The following DENND2B variants were observed in gnomAD, a reference collection of about 807,000 sequenced individuals.
The protein encoded by DENND2B is DENN domain containing 2B.
Under a neutral mutation model 116.0 loss-of-function variants are expected in DENND2B, and 32 were observed. The ratio of observed to expected loss-of-function variants is 0.28; its 90% CI spans 0.21 to 0.37. The LOEUF (loss-of-function observed/expected upper bound fraction) is 0.37, where lower values mean the gene tolerates loss of function less well. DENND2B is among the 10% of genes least tolerant of loss of function. The probability of loss-of-function intolerance (pLI) is 1.00; values close to 1 mark genes in which losing one functional copy is unlikely to be tolerated. For synonymous variants in DENND2B, 588 were observed against 583.9 expected (o/e 1.01, Z -0.10); for missense variants, 1,276 against 1,477.7 (o/e 0.86, Z 2.24).
intron 1 of DENND2B, among the ~76,000 whole-genome samples, chr11:8,753,675 C>A (rs1295754456): frequency 6.6e-6 from 1 of 151,914 alleles, no homozygotes; most frequent in African/African-American, 2.4e-5. Context: ...TAAAAAGTAA[C>A]CAAGACAGTG....
intron 4 of DENND2B, chr11:8,718,172 C>G: frequency 1.8e-6 from 1 of 545,592 alleles, no homozygotes. Context: ...AGGGATTGCA[C>G]AAGACTGGCT....
chr11:8,731,796 A>T (rs763143579), intron 2 of DENND2B, among the ~76,000 whole-genome samples: 1 of 152,174 alleles, frequency 6.6e-6, no homozygotes, highest in Admixed American at 6.5e-5. Flanking sequence ...GGTAGTATAA[A>T]TATTCCAACT....
In DENND2B at chr11:8,699,190, AGCTGG is replaced by A. The variant is rs1439537487; in HGVS notation, c.2898+18_2898+22del. The A allele has an allele frequency of 1.3e-6, 2 of 1,535,478 alleles. No individual in the cohort carries two copies. The highest frequency in any genetic ancestry group is 1.7e-6 in the Non-Finnish European group (2 of 1,145,252). On this transcript the variant is annotated intron_variant, in intron 15 of 19. Transcript: ENST00000313726. Reference sequence around the variant, plus strand: ...TGCTTCCCCCTCCACCCTTCCCCCCAGCTGGTTCCCCCGGTGGCCCACCTCCTCCA... The same window carrying A: ...TGCTTCCCCCTCCACCCTTCCCCCCATTCCCCCGGTGGCCCACCTCCTCCA...
intron 1 of DENND2B, among the ~76,000 whole-genome samples, chr11:8,799,145 G>A (rs1011666111): frequency 2.0e-5 from 3 of 152,054 alleles, no homozygotes; most frequent in Non-Finnish European, 4.4e-5. Flanking sequence ...TTTTAACCTG[G>A]ATCCCTGCCA....
intron 1 of DENND2B, among the ~76,000 whole-genome samples, chr11:8,904,574 G>A (rs537342984): frequency 9.2e-5 from 14 of 152,276 alleles, no homozygotes; most frequent in African/African-American, 3.4e-4. Context: ...GTTCAAGCCA[G>A]TGCGATTAGG....
Position 8,707,032 on chromosome 11 carries a change from C to G in DENND2B, c.2571+53G>C, listed in dbSNP as rs2042725863. The stretch of plus-strand genomic sequence containing the variant: ...AGACTACGACCTTGGCCAGCATGGT[C>G]CTCCTGCCACCCCAGCCCGTAGCCC... On this transcript the variant is annotated intron_variant, in intron 13 of 19. Transcript: ENST00000313726. This position sits in a 1 kb window ranked among gnomAD's most constrained non-coding sequence, Gnocchi z 4.8. 1 of 1,576,374 alleles carries G rather than the reference C, an allele frequency of 6.3e-7. No individual in the cohort carries two copies. The highest frequency in any genetic ancestry group is 1.7e-5 in the Admixed American group (1 of 57,486).
At chr11:8,831,533 T>G (rs186961326) in intron 4 of DENND2B, 1 of 152,136 alleles carries the variant, frequency 6.6e-6, no homozygotes, top group African/African-American at 2.4e-5. Context: ...CACCCTTGGG[T>G]AGACACAGGG....
chr11:8,703,012 C>G (rs1175217496), intron 13 of DENND2B: 4 of 411,140 alleles, frequency 9.7e-6, no homozygotes, highest in Non-Finnish European at 1.8e-5. Context: ...GAGAGGAGAG[C>G]TGACTGCTCT....
At chr11:8,708,133 G>C (rs1385194613) in intron 11 of DENND2B, 7 of 1,361,056 alleles carry the variant, frequency 5.1e-6, no homozygotes, top group African/African-American at 1.5e-5. Flanking sequence ...ACGCTGACGG[G>C]GGCTGGCAAA....
intron 2 of DENND2B, among the ~76,000 whole-genome samples, chr11:8,732,512 C>T (rs1457552053): frequency 2.6e-5 from 4 of 152,146 alleles, no homozygotes; most frequent in Non-Finnish European, 5.9e-5. Context: ...CAGCACTCAG[C>T]ACACCCCTGC....
chr11:8,738,692 T>C (rs914381100), intron 2 of DENND2B, among the ~76,000 whole-genome samples: 1 of 152,232 alleles, frequency 6.6e-6, no homozygotes, highest in Non-Finnish European at 1.5e-5. Context: ...TCTCATCTTC[T>C]GACATTTTCC....
chr11:8,808,943 T>A (rs1392992439), intron 1 of DENND2B: 2 of 152,198 alleles, frequency 1.3e-5, no homozygotes, highest in Non-Finnish European at 2.9e-5. Flanking sequence ...AAACTGGGTC[T>A]CTGCTAGCCC....
At chr11:8,782,524 T>C (rs2058471642) in intron 1 of DENND2B, among the ~76,000 whole-genome samples, 1 of 152,160 alleles carries the variant, frequency 6.6e-6, no homozygotes, top group Non-Finnish European at 1.5e-5. Flanking sequence ...TTTATGAAAT[T>C]TGGATGATGG....
intron 3 of DENND2B, among the ~76,000 whole-genome samples, chr11:8,849,507 A>T (rs2062930734): frequency 6.6e-6 from 1 of 150,954 alleles, no homozygotes; most frequent in Non-Finnish European, 1.5e-5. Flanking sequence ...AAAAAAAAAA[A>T]AAAAAACAGA....
intron 2 of DENND2B, among the ~76,000 whole-genome samples, chr11:8,865,261 T>C (rs999705435): frequency 9.2e-5 from 14 of 152,188 alleles, no homozygotes; most frequent in African/African-American, 2.9e-4. Flanking sequence ...AGGACTTGAG[T>C]AAAATTCTTT....
intron 18 of DENND2B, chr11:8,696,057 T>C: frequency 3.7e-6 from 1 of 268,366 alleles, no homozygotes; most frequent in East Asian, 8.3e-5. Flanking sequence ...GGCCCAATGC[T>C]CTGTAAGGGA....
intron 1 of DENND2B, among the ~76,000 whole-genome samples, chr11:8,762,114 C>A (rs1253007485): frequency 6.6e-6 from 1 of 152,146 alleles, no homozygotes; most frequent in Non-Finnish European, 1.5e-5. Flanking sequence ...GCTCCTGTCA[C>A]CCCATCTATT....
At chr11:8,865,985 A>G (rs148674730) in intron 2 of DENND2B, among the ~76,000 whole-genome samples, 3,146 of 151,752 alleles carry the variant, frequency 0.021, 44 homozygotes, top group Middle Eastern at 0.034. Flanking sequence ...TTTGAGACGG[A>G]GTCTCGCTCT....
chr11:8,759,880 T>C (rs1593267218), intron 1 of DENND2B, among the ~76,000 whole-genome samples: 1 of 152,190 alleles, frequency 6.6e-6, no homozygotes, highest in Non-Finnish European at 1.5e-5. Context: ...CAGCAACCAA[T>C]ACTGGCCCTC....
Sources: gnomAD v4.1 joint callset for allele counts (sites outside exome capture counted in the v4.1 genomes callset) on GRCh38, gnomAD v4.1.1 for gene constraint, Gnocchi (gnomAD v3.1) non-coding constraint, MANE v1.5 for transcripts, NCBI Gene and HGNC (gene_info 2026-07-23, HGNC 2026-07-21) for gene names.